PDZRN4: variants seen among roughly 807,000 people sequenced by gnomAD.
The protein encoded by PDZRN4 is PDZ domain containing ring finger 4, also known as PDZ domain-containing RING finger protein 4.
In PDZRN4, 70 loss-of-function variants were observed where a neutral mutation model predicts 99.0. That is an observed-to-expected ratio of 0.71 (90% CI 0.58 to 0.86). The LOEUF is 0.86. Among genes scored for constraint, PDZRN4 ranks in the 40% least tolerant of loss-of-function variants. The pLI, the probability that PDZRN4 is intolerant of heterozygous loss-of-function variation, is 0.00. For synonymous variants in PDZRN4, 551 were observed against 501.6 expected, an observed-to-expected ratio of 1.10 and a Z score of -1.32; for missense variants, 1,474 against 1,331.2, an observed-to-expected ratio of 1.11 and a Z score of -1.67.
At chr12:41,509,177 C>G (rs377752833) in intron 4 of PDZRN4, among the ~76,000 whole-genome samples, 1 of 151,962 alleles carries the variant, frequency 6.6e-6, no homozygotes, top group Non-Finnish European at 1.5e-5. Flanking sequence ...TATTTTGAAA[C>G]CTTGTGGCTT....
intron 3 of PDZRN4, among the ~76,000 whole-genome samples, chr12:41,228,436 G>T (rs1034374997): frequency 1.3e-5 from 2 of 151,924 alleles, no homozygotes; most frequent in Admixed American, 1.3e-4. Flanking sequence ...TCACAACACC[G>T]TTAGTATTAT....
intron 5 of PDZRN4, among the ~76,000 whole-genome samples, chr12:41,521,797 G>A (rs1421619021): frequency 6.6e-6 from 1 of 152,072 alleles, no homozygotes; most frequent in Non-Finnish European, 1.5e-5. Context: ...ATGTAATTGA[G>A]TATGTGTTCT....
chr12:41,535,239 G>A (rs747378047), intron 5 of PDZRN4, among the ~76,000 whole-genome samples: 5 of 152,050 alleles, frequency 3.3e-5, no homozygotes, highest in Non-Finnish European at 7.4e-5. Context: ...CTCATGATGC[G>A]TTGTTTCTTT....
At chr12:41,446,525 G>C (rs1565584762) in intron 3 of PDZRN4, among the ~76,000 whole-genome samples, 1 of 105,234 alleles carries the variant, frequency 9.5e-6, no homozygotes, top group South Asian at 3.1e-4. Context: ...GAATTTAGAT[G>C]GTTTTTTTTT....
intron 3 of PDZRN4, among the ~76,000 whole-genome samples, chr12:41,335,392 G>T (rs1951766142): frequency 6.6e-6 from 1 of 151,810 alleles, no homozygotes; most frequent in Admixed American, 6.6e-5. Flanking sequence ...TTAGGTATTT[G>T]CTATCATTCT....
At chr12:41,396,659 GAAGATCCACTTCC>G (rs1417642182) in intron 3 of PDZRN4, among the ~76,000 whole-genome samples, 3 of 152,082 alleles carry the variant, frequency 2.0e-5, no homozygotes, top group Non-Finnish European at 2.9e-5. Flanking sequence ...TGAACTGAGG[GAAGATCCACTTCC>G]AAGATCCACT....
intron 3 of PDZRN4, among the ~76,000 whole-genome samples, chr12:41,248,177 T>C (rs1429622203): frequency 1.3e-5 from 2 of 152,344 alleles, no homozygotes; most frequent in African/African-American, 4.8e-5. Context: ...CAGCAAATAA[T>C]AGTGTGTGAA....
chr12:41,196,657 A>G (rs541668106), intron 3 of PDZRN4, among the ~76,000 whole-genome samples: 14 of 152,160 alleles, frequency 9.2e-5, no homozygotes, highest in South Asian at 2.1e-4. Context: ...AAAGATCCCT[A>G]TGTAATCATT....
chr12:41,383,964 T>A (rs1271390652), intron 3 of PDZRN4, among the ~76,000 whole-genome samples: 3 of 139,696 alleles, frequency 2.1e-5, no homozygotes, highest in Non-Finnish European at 4.6e-5. Context: ...AGTTTCACTA[T>A]GGAGATTTTT....
chr12:41,440,625 A>G (rs1442258496), intron 3 of PDZRN4, among the ~76,000 whole-genome samples: 1 of 152,154 alleles, frequency 6.6e-6, no homozygotes, highest in Non-Finnish European at 1.5e-5. Context: ...ATGGAATGTC[A>G]CCTCAAGAAA....
chr12:41,465,809 A>C (rs1952918958), intron 3 of PDZRN4, among the ~76,000 whole-genome samples: 1 of 152,204 alleles, frequency 6.6e-6, no homozygotes, highest in African/African-American at 2.4e-5. Flanking sequence ...GTTTATTTAT[A>C]GAGTTTCACC....
chr12:41,261,926 G>A lies in PDZRN4; in HGVS notation c.843+67738G>A, dbSNP rs540832670. 3.9e-5 allele frequency among the ~76,000 whole-genome samples: 6 copies of A among 152,296 alleles called. No homozygotes were observed. The South Asian group carries it at 1.2e-3, about 32-fold the overall frequency. On this transcript the variant is annotated intron_variant, in intron 3 of 9. Transcript: ENST00000402685. Reference sequence around the variant, plus strand: ...AGATCCATGCCAGAGAACATGGGATGGGGAGAATAGTATCTGTGGTGGTGG... The same window carrying A: ...AGATCCATGCCAGAGAACATGGGATAGGGAGAATAGTATCTGTGGTGGTGG...
At chr12:41,530,914 A>G (rs1592099129) in intron 5 of PDZRN4, among the ~76,000 whole-genome samples, 1 of 152,066 alleles carries the variant, frequency 6.6e-6, no homozygotes, top group African/African-American at 2.4e-5. Context: ...TCGCTTCTTC[A>G]GTGCCCTGCT....
Position 41,375,132 on chromosome 12 carries a change from T to A in PDZRN4, c.844-131324T>A, listed in dbSNP as rs548858786. On this transcript the variant is annotated intron_variant, in intron 3 of 9. Transcript: ENST00000402685. Reference sequence around the variant, plus strand: ...AAATTCTCCAGTCTCAGTAAAACTTTGAGATGACTACAGCCTCAGTCTACA... The same window carrying A: ...AAATTCTCCAGTCTCAGTAAAACTTAGAGATGACTACAGCCTCAGTCTACA... 1.4e-4 allele frequency among the ~76,000 whole-genome samples: 22 copies of A among 152,262 alleles called. No individual in the cohort carries two copies. The South Asian group carries it at 4.6e-3, about 32-fold the overall frequency.
intron 3 of PDZRN4, among the ~76,000 whole-genome samples, chr12:41,489,975 T>A (rs141939622): frequency 1.3e-5 from 2 of 152,008 alleles, no homozygotes; most frequent in African/African-American, 4.8e-5. Context: ...ATTTCCTATA[T>A]ACTGTACAGT....
At chr12:41,460,082 CTATT>C in intron 3 of PDZRN4, 1 of 1,282,352 alleles carries the variant, frequency 7.8e-7, no homozygotes, top group Non-Finnish European at 1.0e-6. Flanking sequence ...TAAATTTTCC[CTATT>C]TATATATTTT....
intron 3 of PDZRN4, among the ~76,000 whole-genome samples, chr12:41,204,691 C>T (rs74922464): frequency 0.029 from 4,375 of 152,076 alleles, 162 homozygotes; most frequent in East Asian, 0.16. Context: ...GGGAACCACC[C>T]CCGTGATTCA....
At chr12:41,555,631 C>T (rs1939144375) in intron 6 of PDZRN4, 67 bp from the exon 7 acceptor site, 1 of 1,169,388 alleles carries the variant, frequency 8.6e-7, no homozygotes, top group Admixed American at 1.8e-5. Context: ...TATTTTAAAG[C>T]CATATTTTTA....
chr12:41,427,132 G>C (rs1952543819), intron 3 of PDZRN4, among the ~76,000 whole-genome samples: 1 of 152,044 alleles, frequency 6.6e-6, no homozygotes, highest in Admixed American at 6.6e-5. Context: ...GCTTCTCCCT[G>C]GCTGCCAGTC....
Sources: allele counts gnomAD v4.1 joint callset (sites outside exome capture counted in the v4.1 genomes callset), GRCh38; gene constraint gnomAD v4.1.1; transcripts MANE v1.5; gene names NCBI Gene and HGNC (gene_info 2026-07-23, HGNC 2026-07-21).